The following PLB1 variants were observed in gnomAD, a reference collection of about 807,000 sequenced individuals.
PLB1 encodes the protein phospholipase B1.
Under a neutral mutation model 227.4 loss-of-function variants are expected in PLB1, and 242 were observed. The observed-to-expected ratio is 1.06, with a 90% CI of 0.96 to 1.18. PLB1 has a LOEUF of 1.18. Among genes scored for constraint, PLB1 ranks in the 50% most tolerant of loss-of-function variants. The pLI is 0.00. For synonymous variants in PLB1, 757 were observed against 682.2 expected (o/e 1.11, Z -1.71); for missense variants, 1,858 against 1,816.3 (o/e 1.02, Z -0.42).
chr2:28,526,336 A>G (rs1459536947), intron 6 of PLB1, among the ~76,000 whole-genome samples: 1 of 151,892 alleles, frequency 6.6e-6, no homozygotes, highest in Non-Finnish European at 1.5e-5. Context: ...CAAGGGGAGG[A>G]CCCAGCCGAA....
chr2:28,550,073 G>C lies in PLB1; in HGVS notation c.1072G>C (p.Asp358His). 2.5e-6 allele frequency: 4 copies of C among 1,611,866 alleles called. No individual in the cohort carries two copies. The highest frequency in any genetic ancestry group is 3.4e-6 in the Non-Finnish European group (4 of 1,178,538). Residue 358 changes from aspartate to histidine, a missense_variant, in exon 16 of 58, where the codon GAC becomes CAC. Asp to His is a moderately conservative substitution (Grantham distance 81). Transcript: ENST00000327757. ...CCTGACCAGACTGCAGAAACCCCAA[G>C]ACAAGCTTGAGGTAAGGAAAGGTTT... ...NYLTRLQKPQ[D>H]KLEVREGAEI...
At chr2:28,599,111 C>T (rs758886946) in intron 35 of PLB1, among the ~76,000 whole-genome samples, 84 of 152,376 alleles carry the variant, frequency 5.5e-4, no homozygotes, top group Non-Finnish European at 1.0e-3. Context: ...GTGGCAATTT[C>T]CCAAAAAGAT....
intron 43 of PLB1, among the ~76,000 whole-genome samples, chr2:28,612,699 C>T (rs1685632446): frequency 6.6e-6 from 1 of 151,018 alleles, no homozygotes; most frequent in African/African-American, 2.4e-5. Flanking sequence ...ACCCCTGCCT[C>T]CCAGGTTCAA....
chr2:28,612,643 C>G (rs1030833809), intron 43 of PLB1, among the ~76,000 whole-genome samples: 17 of 146,544 alleles, frequency 1.2e-4, no homozygotes, highest in African/African-American at 3.8e-4. Context: ...GAGTCTTGCT[C>G]TGTTACCCAG....
At chr2:28,546,493 A>T (rs1255541403) in intron 14 of PLB1, among the ~76,000 whole-genome samples, 1 of 152,098 alleles carries the variant, frequency 6.6e-6, no homozygotes, top group Non-Finnish European at 1.5e-5. Flanking sequence ...CGTGCTGGGG[A>T]GATGTGCAGA....
rs3071740 is a variant in PLB1 at position 28,601,469 on chromosome 2, C to CCACACACACACACA, written c.2607+155_2607+168dup. ...ACCTATGTCTGCACATATACACATA[C>CCACACACACACACA]CACACACACACACACACACACACAC... On this transcript the variant is annotated intron_variant, in intron 37 of 57. Transcript: ENST00000327757. 1,032 of 600,220 alleles carry CCACACACACACACA rather than the reference C, an allele frequency of 1.7e-3. 4 individuals are homozygous for CCACACACACACACA. Among genetic ancestry groups the CCACACACACACACA allele is most frequent in the African/African-American group, 0.017 (909 of 53,418 alleles). 37.2% of individuals were successfully genotyped at this position (600,220 alleles called of 1,614,324 possible).
At chr2:28,596,945 G>A (rs1222954255) in intron 33 of PLB1, among the ~76,000 whole-genome samples, 7 of 152,212 alleles carry the variant, frequency 4.6e-5, no homozygotes, top group African/African-American at 1.4e-4. Flanking sequence ...CTGGTGGGCT[G>A]GAAGCTAAGG....
At chr2:28,516,159 T>C (rs1380984848) in intron 1 of PLB1, among the ~76,000 whole-genome samples, 2 of 152,236 alleles carry the variant, frequency 1.3e-5, no homozygotes, top group African/African-American at 2.4e-5. Context: ...ATGAATTTAA[T>C]TTATTGTAAG....
At chr2:28,631,167 GAAAAA>G (rs1162224388) in intron 54 of PLB1, among the ~76,000 whole-genome samples, 1 of 144,224 alleles carries the variant, frequency 6.9e-6, no homozygotes, top group East Asian at 2.0e-4. Context: ...AAAAAAAAAA[GAAAAA>G]AAGAAAAAGG....
chr2:28,585,263 C>G (rs1336896769), intron 25 of PLB1, among the ~76,000 whole-genome samples: 1 of 151,812 alleles, frequency 6.6e-6, no homozygotes, highest in Non-Finnish European at 1.5e-5. Flanking sequence ...AAATCCAGGT[C>G]TAGGAATTTT....
intron 14 of PLB1, among the ~76,000 whole-genome samples, chr2:28,548,110 A>G (rs1284976515): frequency 6.6e-6 from 1 of 151,920 alleles, no homozygotes; most frequent in East Asian, 1.9e-4. Flanking sequence ...GCTGTGTTCC[A>G]TGTCACTGTA....
chr2:28,560,377 G>T (rs1193946865), intron 17 of PLB1, among the ~76,000 whole-genome samples: 1 of 152,134 alleles, frequency 6.6e-6, no homozygotes, highest in East Asian at 1.9e-4. Context: ...TCTAGGGGTG[G>T]TCCCCCAAAT....
Position 28,581,495 on chromosome 2 carries a change from AAAT to A in PLB1, c.1567-570_1567-568del, listed in dbSNP as rs1272169452. ...CAGAGCTCCACGCAAAAAAATAAAT[AAAT>A]AAATAAATAAATAAATAAATAAATA... is the stretch of plus-strand genomic sequence containing the variant. On this transcript the variant is annotated intron_variant, in intron 23 of 57. Transcript: ENST00000327757. 4.1e-3 allele frequency among the ~76,000 whole-genome samples: 165 copies of A among 40,428 alleles called. 7 individuals carry two copies. Among genetic ancestry groups the A allele is most frequent in the Non-Finnish European group, 1.3e-3 (25 of 19,348 alleles). 26.5% of individuals were successfully genotyped at this position (40,428 alleles called of 152,430 possible).
chr2:28,552,936 AG>A lies in PLB1; in HGVS notation c.1094del (p.Gly365GlufsTer22). On this transcript the variant is annotated frameshift_variant, in exon 17 of 58. Transcript: ENST00000327757. LOFTEE classifies it high-confidence loss of function. Reference protein sequence around the residue: ...KPQDKLEVREGAEIRCPDKDP... With the variant: ...KPQDKLEVREXAEIRCPDKDP... ...TGTGTGTCTCATTTCAGGTAAGAGA[AG>A]GAGCGGAAATCAGATGTCCTGACAA... 1 of 1,613,962 alleles carries A rather than the reference AG, an allele frequency of 6.2e-7. No homozygotes were observed. The highest frequency in any genetic ancestry group is 1.1e-5 in the South Asian group (1 of 91,086).
Position 28,579,725 on chromosome 2 carries a change from T to TGA in PLB1, c.1566+18_1566+19insGA. 1 of 1,601,146 alleles carries TGA rather than the reference T, an allele frequency of 6.2e-7. No homozygotes were observed. The highest frequency in any genetic ancestry group is 1.1e-5 in the South Asian group (1 of 90,842). The stretch of plus-strand genomic sequence containing the variant: ...ATGATCTGGTAGGTCTCCAGGCACT[T>TGA]TACTCAAGACTCACCCCCAGAGAAG... On this transcript the variant is annotated intron_variant, in intron 23 of 57. Transcript: ENST00000327757.
chr2:28,625,554 C>G (rs1687634745), intron 50 of PLB1, among the ~76,000 whole-genome samples: 1 of 152,086 alleles, frequency 6.6e-6, no homozygotes, highest in Non-Finnish European at 1.5e-5. Flanking sequence ...GAATTCAGCT[C>G]CCGGTGGGAT....
At chr2:28,595,968 C>T (rs1682842438) in intron 33 of PLB1, 1 of 152,098 alleles carries the variant, frequency 6.6e-6, no homozygotes, top group African/African-American at 2.4e-5. Flanking sequence ...GTGCTGGGCC[C>T]CAAGGTCTTG....
At chr2:28,641,248 A>C (rs1248308742) in intron 57 of PLB1, among the ~76,000 whole-genome samples, 1 of 152,298 alleles carries the variant, frequency 6.6e-6, no homozygotes, top group Non-Finnish European at 1.5e-5. Context: ...AGGGAGGCAG[A>C]TGAGCACTGG....
chr2:28,563,858 C>T (rs922271284), intron 18 of PLB1, among the ~76,000 whole-genome samples: 1 of 152,152 alleles, frequency 6.6e-6, no homozygotes, highest in African/African-American at 2.4e-5. Context: ...AGACACCTCT[C>T]ATGTCTATGG....
Sources: allele counts gnomAD v4.1 joint callset (sites outside exome capture counted in the v4.1 genomes callset), GRCh38; gene constraint gnomAD v4.1.1; transcripts MANE v1.5; gene names NCBI Gene and HGNC (gene_info 2026-07-23, HGNC 2026-07-21).